The following VTA1 variants were observed in gnomAD, a reference collection of about 807,000 sequenced individuals.
VTA1 encodes the protein vesicle trafficking 1.
A neutral mutation model predicts 36.9 loss-of-function variants in VTA1; 24 were observed. That is an observed-to-expected ratio of 0.65 (90% CI 0.47 to 0.91). VTA1 has a LOEUF of 0.91. VTA1 is among the 40% of genes least tolerant of loss of function. VTA1 has a pLI of 0.00. For missense variants in VTA1, 393 were observed against 377.2 expected (o/e 1.04, Z -0.35); for synonymous variants, 142 against 130.2 (o/e 1.09, Z -0.62).
At chr6:142,194,489 C>A (rs1487691186) in intron 5 of VTA1, among the ~76,000 whole-genome samples, 1 of 152,034 alleles carries the variant, frequency 6.6e-6, no homozygotes, top group Non-Finnish European at 1.5e-5. Context: ...GTTAAATTTA[C>A]TTCAAGTATT....
At chr6:142,209,754 T>G (rs572395324) in intron 7 of VTA1, among the ~76,000 whole-genome samples, 71 of 151,896 alleles carry the variant, frequency 4.7e-4, no homozygotes, top group Middle Eastern at 3.4e-3. Flanking sequence ...GTAATAGAAG[T>G]AGACACATAA....
intron 1 of VTA1, among the ~76,000 whole-genome samples, chr6:142,147,872 T>TG (rs1316057298): frequency 6.6e-6 from 1 of 152,342 alleles, no homozygotes; most frequent in African/African-American, 2.4e-5. Context: ...TTTGGTTAAA[T>TG]GGGGAGTATC....
chr6:142,174,345 G>C (rs1353273723), intron 4 of VTA1, among the ~76,000 whole-genome samples: 1 of 152,172 alleles, frequency 6.6e-6, no homozygotes, highest in Non-Finnish European at 1.5e-5. Context: ...CTACTATGTT[G>C]GTTTTTGGAC....
At chr6:142,147,425 C>T (rs1384618914) in intron 1 of VTA1, 26 bp downstream of exon 1, 6 of 1,604,650 alleles carry the variant, frequency 3.7e-6, no homozygotes, top group East Asian at 2.3e-5. Context: ...TGGCCGCGCC[C>T]TTTCTTTCCC....
Position 142,198,432 on chromosome 6 carries a change from C to T in VTA1, c.521-7C>T, listed in dbSNP as rs755005193. The T allele has an allele frequency of 1.2e-6, 2 of 1,613,290 alleles. No homozygotes were observed. Among genetic ancestry groups the T allele is most frequent in the Non-Finnish European group, 1.7e-6 (2 of 1,179,520 alleles). ...TACTGTAACATTGTGTATATGTGATCTGATAGATATTGAAGAAAATGAAGA... is the reference window on the plus strand; with the variant it reads ...TACTGTAACATTGTGTATATGTGATTTGATAGATATTGAAGAAAATGAAGA... On this transcript the variant is annotated splice_region_variant and splice_polypyrimidine_tract_variant and intron_variant, in intron 5 of 7. Transcript: ENST00000367630.
At chr6:142,168,243 C>G (rs900675090) in intron 2 of VTA1, among the ~76,000 whole-genome samples, 9 of 152,062 alleles carry the variant, frequency 5.9e-5, no homozygotes, top group Non-Finnish European at 1.0e-4. Flanking sequence ...TTTGGATACA[C>G]AAATTACTGT....
intron 7 of VTA1, among the ~76,000 whole-genome samples, chr6:142,207,594 A>G (rs952432811): frequency 6.6e-6 from 1 of 152,122 alleles, no homozygotes; most frequent in Non-Finnish European, 1.5e-5. Flanking sequence ...ACCTGGGCTT[A>G]TGGCGCCACC....
intron 4 of VTA1, among the ~76,000 whole-genome samples, chr6:142,188,597 A>G (rs1340480334): frequency 6.6e-6 from 1 of 152,160 alleles, no homozygotes. Flanking sequence ...GCAGGCTGGC[A>G]CTTGTAGATC....
chr6:142,159,570 GT>G (rs1774753095), intron 1 of VTA1, among the ~76,000 whole-genome samples: 2 of 150,200 alleles, frequency 1.3e-5, no homozygotes, highest in South Asian at 4.2e-4. Context: ...CTGGAATGCA[GT>G]GATGCAATCT....
Position 142,223,851 on chromosome 6 carries a change from G to C in VTA1, c.*5208G>C, listed in dbSNP as rs1164537322. The C allele has an allele frequency of 6.6e-6, 1 of 152,086 alleles. No homozygotes were observed. The highest frequency in any genetic ancestry group is 2.4e-5 in the African/African-American group (1 of 41,384). The allele number at this position is 152,086 out of a possible 1,614,324, so 9.4% of individuals were successfully genotyped here. On this transcript the variant is annotated 3_prime_UTR_variant, in exon 8 of 8. Coordinates refer to ENST00000367630, the MANE Select transcript of VTA1 (RefSeq NM_016485.5). ...CAGGCAGGGAAGCAAGGAGAAGTTA[G>C]CAGAGAGAAAAGCACAAGCAACACC...
chr6:142,170,817 A>G (rs1200212176), intron 4 of VTA1, among the ~76,000 whole-genome samples: 4 of 152,038 alleles, frequency 2.6e-5, no homozygotes, highest in South Asian at 2.1e-4. Context: ...ATTTTTTTGT[A>G]GAGACATGGT....
chr6:142,192,819 A>G (rs919723215), intron 5 of VTA1, among the ~76,000 whole-genome samples: 10 of 152,006 alleles, frequency 6.6e-5, no homozygotes, highest in Admixed American at 3.9e-4. Flanking sequence ...ATGGCTTCAC[A>G]AGAGGATATC....
At chr6:142,194,272 G>C (rs1456569853) in intron 5 of VTA1, among the ~76,000 whole-genome samples, 1 of 151,504 alleles carries the variant, frequency 6.6e-6, no homozygotes, top group Non-Finnish European at 1.5e-5. Context: ...TCTGTCCTTT[G>C]AGTTTCCACA....
At chr6:142,171,683 A>T (rs577525606) in intron 4 of VTA1, among the ~76,000 whole-genome samples, 1 of 152,312 alleles carries the variant, frequency 6.6e-6, no homozygotes, top group Admixed American at 6.5e-5. Flanking sequence ...ATTTTCTGAG[A>T]GGGAATATAT....
At chr6:142,198,119 ATGTGTGTGTGTGTGTGTGTGTG>A (rs71021658) in intron 5 of VTA1, among the ~76,000 whole-genome samples, 6 of 98,252 alleles carry the variant, frequency 6.1e-5, no homozygotes, top group African/African-American at 1.4e-4. Context: ...ATATATATAT[ATGTGTGTGTGTGTGTGTGTGTG>A]TGTGTGTGTG....
intron 5 of VTA1, among the ~76,000 whole-genome samples, chr6:142,189,933 A>G (rs950360021): frequency 6.6e-6 from 1 of 151,756 alleles, no homozygotes; most frequent in African/African-American, 2.4e-5. Flanking sequence ...ATTTTTTTGT[A>G]CTTTTAGTAG....
At chr6:142,160,073 T>C (rs1470511067) in intron 1 of VTA1, among the ~76,000 whole-genome samples, 3 of 152,234 alleles carry the variant, frequency 2.0e-5, no homozygotes, top group Admixed American at 1.3e-4. Flanking sequence ...TTTTACATTC[T>C]TGAATGTCTG....
rs558696178 is a variant in VTA1 at position 142,218,549 on chromosome 6, A to G, written c.830A>G (p.Lys277Arg). The part of the protein sequence containing the change: ...EDFARAQKYC[K>R]YAGSALQYED... Reference sequence around the variant, plus strand: ...TTTGCTAGAGCTCAGAAGTACTGCAAATATGCTGGCAGTGCTTTGCAGTAT... The same window carrying G: ...TTTGCTAGAGCTCAGAAGTACTGCAGATATGCTGGCAGTGCTTTGCAGTAT... The change falls in exon 8 of 8, where the codon AAA becomes AGA. Residue 277 changes from lysine to arginine, a missense_variant. Transcript: ENST00000367630. 3.7e-6 allele frequency: 6 copies of G among 1,613,754 alleles called. No individual in the cohort carries two copies. The highest frequency in any genetic ancestry group is 3.3e-5 in the Admixed American group (2 of 59,996).
chr6:142,188,745 A>C (rs1056901007), intron 4 of VTA1, among the ~76,000 whole-genome samples: 1 of 99,952 alleles, frequency 1.0e-5, no homozygotes, highest in Non-Finnish European at 2.3e-5. Flanking sequence ...AGAGATTTTT[A>C]TATTTTTAAT....
Sources: allele counts gnomAD v4.1 joint callset (sites outside exome capture counted in the v4.1 genomes callset), GRCh38; gene constraint gnomAD v4.1.1; transcripts MANE v1.5; gene names NCBI Gene and HGNC (gene_info 2026-07-23, HGNC 2026-07-21).